The following CACNA2D1 variants were observed in gnomAD, a reference collection of about 807,000 sequenced individuals.
CACNA2D1 encodes calcium voltage-gated channel auxiliary subunit alpha2delta 1, also known as voltage-dependent calcium channel subunit alpha-2/delta-1.
Under a neutral mutation model 171.5 loss-of-function variants are expected in CACNA2D1, and 53 were observed. The observed-to-expected ratio is 0.31, with a 90% CI of 0.25 to 0.39. CACNA2D1 has a LOEUF of 0.39. Ranked by LOEUF, CACNA2D1 falls within the 10% of genes least tolerant of loss-of-function variation. CACNA2D1 has a pLI of 1.00. For synonymous variants in CACNA2D1, 442 were observed against 443.1 expected (o/e 1.00, Z 0.03); for missense variants, 903 against 1,299.8 (o/e 0.69, Z 4.69).
chr7:82,429,662 C>G (rs1473615275), intron 1 of CACNA2D1, among the ~76,000 whole-genome samples: 1 of 152,126 alleles, frequency 6.6e-6, no homozygotes, highest in East Asian at 1.9e-4. Context: ...ATATAATTAT[C>G]ACGCATGATT....
intron 3 of CACNA2D1, among the ~76,000 whole-genome samples, chr7:82,233,521 T>C (rs1585173712): frequency 1.3e-5 from 2 of 152,308 alleles, no homozygotes; most frequent in Admixed American, 1.3e-4. Flanking sequence ...GAAGTATTCA[T>C]TTAATTTCTG....
chr7:82,429,609 C>G (rs989429674), intron 1 of CACNA2D1, among the ~76,000 whole-genome samples: 1 of 152,180 alleles, frequency 6.6e-6, no homozygotes, highest in Non-Finnish European at 1.5e-5. Flanking sequence ...GCCACACAGA[C>G]AGGTTGTGTC....
intron 1 of CACNA2D1, among the ~76,000 whole-genome samples, chr7:82,395,196 A>T (rs1825635566): frequency 1.1e-5 from 1 of 89,146 alleles, no homozygotes. Flanking sequence ...ACAACATCAA[A>T]TTAAAAAAAA....
At chr7:82,082,581 GATCA>G (rs1245754624) in intron 7 of CACNA2D1, among the ~76,000 whole-genome samples, 1 of 151,510 alleles carries the variant, frequency 6.6e-6, no homozygotes, top group African/African-American at 2.4e-5. Context: ...GAAGGGTGGG[GATCA>G]ATCAGAGGAA....
intron 3 of CACNA2D1, among the ~76,000 whole-genome samples, chr7:82,320,931 A>C (rs1290948898): frequency 1.3e-5 from 2 of 152,128 alleles, no homozygotes; most frequent in Non-Finnish European, 2.9e-5. Flanking sequence ...TTAATGGCTT[A>C]TATAAAGCCA....
At chr7:82,137,565 A>G (rs1791776491) in intron 4 of CACNA2D1, among the ~76,000 whole-genome samples, 1 of 152,082 alleles carries the variant, frequency 6.6e-6, no homozygotes, top group South Asian at 2.1e-4. Context: ...TTAAACATCC[A>G]AAAACATAGA....
intron 1 of CACNA2D1, among the ~76,000 whole-genome samples, chr7:82,420,789 C>A (rs1365518580): frequency 1.3e-5 from 2 of 149,192 alleles, no homozygotes; most frequent in Non-Finnish European, 3.0e-5. Flanking sequence ...TTTTGACCTT[C>A]AATTCAGAAT....
intron 3 of CACNA2D1, among the ~76,000 whole-genome samples, chr7:82,181,611 C>G (rs1406011487): frequency 6.6e-6 from 1 of 152,150 alleles, no homozygotes; most frequent in African/African-American, 2.4e-5. Flanking sequence ...TTCACAGCAT[C>G]GTTCAAGGAA....
intron 1 of CACNA2D1, among the ~76,000 whole-genome samples, chr7:82,387,863 T>C (rs905376638): frequency 4.6e-5 from 7 of 152,068 alleles, no homozygotes; most frequent in Non-Finnish European, 8.8e-5. Flanking sequence ...GGCACATTTC[T>C]TGAGCTTAGG....
chr7:82,388,125 T>C (rs1196253926), intron 1 of CACNA2D1, among the ~76,000 whole-genome samples: 1 of 151,236 alleles, frequency 6.6e-6, no homozygotes, highest in Non-Finnish European at 1.5e-5. Context: ...TCTGACCTAA[T>C]CTCTTCAACT....
At chr7:81,951,577 G>A (rs892838211) in intron 38 of CACNA2D1, among the ~76,000 whole-genome samples, 1 of 152,040 alleles carries the variant, frequency 6.6e-6, no homozygotes, top group Non-Finnish European at 1.5e-5. Context: ...CCACTTAGAA[G>A]TTAGAACATA....
chr7:82,205,642 A>G (rs1585095732), intron 3 of CACNA2D1, among the ~76,000 whole-genome samples: 1 of 152,226 alleles, frequency 6.6e-6, no homozygotes, highest in East Asian at 1.9e-4. Context: ...TTATTAGAAT[A>G]TCCTAGAAGA....
intron 1 of CACNA2D1, among the ~76,000 whole-genome samples, chr7:82,420,668 A>G (rs1828633525): frequency 6.6e-6 from 1 of 152,204 alleles, no homozygotes; most frequent in Non-Finnish European, 1.5e-5. Context: ...ACACTTTAAA[A>G]GGAATAATTG....
chr7:82,314,619 A>G (rs929416), intron 3 of CACNA2D1, among the ~76,000 whole-genome samples: 56,549 of 152,068 alleles, frequency 0.37, 12,825 homozygotes, highest in African/African-American at 0.64. Flanking sequence ...CACCTTTTCT[A>G]TTTAAAAAAT....
At chr7:82,172,308 A>C (rs577284949) in intron 3 of CACNA2D1, among the ~76,000 whole-genome samples, 7 of 152,064 alleles carry the variant, frequency 4.6e-5, no homozygotes, top group Admixed American at 4.6e-4. Context: ...ACTTTTAGAA[A>C]CTCAACTTCA....
intron 6 of CACNA2D1, among the ~76,000 whole-genome samples, chr7:82,093,923 C>A (rs962342772): frequency 2.6e-5 from 4 of 152,052 alleles, no homozygotes; most frequent in Non-Finnish European, 5.9e-5. Flanking sequence ...TGAGACTGCC[C>A]AACTGCATAA....
chr7:81,951,839 T>C (rs1792553949), intron 38 of CACNA2D1, among the ~76,000 whole-genome samples: 1 of 152,062 alleles, frequency 6.6e-6, no homozygotes, highest in African/African-American at 2.4e-5. Flanking sequence ...CTTCTTTTCC[T>C]CAGGGTAGAT....
intron 3 of CACNA2D1, among the ~76,000 whole-genome samples, chr7:82,173,194 C>A (rs1796227111): frequency 6.6e-6 from 1 of 152,002 alleles, no homozygotes; most frequent in Non-Finnish European, 1.5e-5. Context: ...TTAACTATTT[C>A]CAGAGAAACA....
At chr7:82,420,960 A>G (rs1188645224) in intron 1 of CACNA2D1, among the ~76,000 whole-genome samples, 1 of 152,128 alleles carries the variant, frequency 6.6e-6, no homozygotes, top group Non-Finnish European at 1.5e-5. Flanking sequence ...TATTCTTCTT[A>G]TCCTAATGTT....
Sources: allele counts gnomAD v4.1 joint callset (sites outside exome capture counted in the v4.1 genomes callset), GRCh38; gene constraint gnomAD v4.1.1; transcripts MANE v1.5; gene names NCBI Gene and HGNC (gene_info 2026-07-23, HGNC 2026-07-21).